Variants in ESR1 observed in about 807,000 individuals in gnomAD.
ESR1 encodes the protein estrogen receptor.
In ESR1, 12 loss-of-function variants were observed where a neutral mutation model predicts 52.7. The ratio of observed to expected loss-of-function variants is 0.23; its 90% CI spans 0.15 to 0.37. The LOEUF (loss-of-function observed/expected upper bound fraction) is 0.37. Ranked by LOEUF, ESR1 falls within the 10% of genes least tolerant of loss-of-function variation. ESR1 has a pLI of 1.00. For synonymous variants in ESR1, 305 were observed against 316.8 expected, an observed-to-expected ratio of 0.96 and a Z score of 0.39; for missense variants, 584 against 779.7, an observed-to-expected ratio of 0.75 and a Z score of 2.99.
At chr6:151,855,440 G>A (rs1787652087) in intron 2 of ESR1, among the ~76,000 whole-genome samples, 1 of 151,922 alleles carries the variant, frequency 6.6e-6, no homozygotes, top group South Asian at 2.1e-4. Context: ...ACTCTTCATA[G>A]CACATTTGTA....
chr6:151,678,594 G>A (rs1778338903), intron 1 of ESR1, among the ~76,000 whole-genome samples: 1 of 152,054 alleles, frequency 6.6e-6, no homozygotes, highest in Admixed American at 6.6e-5. Flanking sequence ...GGGAACCACT[G>A]ATAACCAACA....
At chr6:151,945,131 T>C (rs969711515) in intron 4 of ESR1, among the ~76,000 whole-genome samples, 2 of 152,084 alleles carry the variant, frequency 1.3e-5, no homozygotes, top group African/African-American at 4.8e-5. Flanking sequence ...GGTGAGAGGA[T>C]GGCTTGAGTC....
intron 5 of ESR1, among the ~76,000 whole-genome samples, chr6:152,013,221 CT>C (rs2042919137): frequency 6.6e-6 from 1 of 151,972 alleles, no homozygotes. Context: ...TTTCTCCTCT[CT>C]TTTCCTTTGC....
intron 1 of ESR1, among the ~76,000 whole-genome samples, chr6:151,672,614 G>T (rs1243537752): frequency 2.0e-5 from 3 of 152,110 alleles, no homozygotes; most frequent in Admixed American, 2.0e-4. Context: ...TGGGATAACA[G>T]GCGTGAGCCA....
chr6:151,824,092 T>G (rs1425086592), intron 1 of ESR1, among the ~76,000 whole-genome samples: 1 of 152,108 alleles, frequency 6.6e-6, no homozygotes, highest in African/African-American at 2.4e-5. Context: ...CCACCAACAG[T>G]GTAAAAGTGT....
At chr6:151,894,827 T>C (rs1795222427) in intron 3 of ESR1, among the ~76,000 whole-genome samples, 1 of 152,170 alleles carries the variant, frequency 6.6e-6, no homozygotes, top group Non-Finnish European at 1.5e-5. Context: ...ATGTGATGCC[T>C]CCAGATTTGT....
In ESR1 at chr6:151,892,010, T is replaced by C. The variant is rs150973061; in HGVS notation, c.760+11239T>C. Reference sequence around the variant, plus strand: ...GGTTTTAATTGTTTTTAGATAATTCTATTTTTGAAAGTCTGATTTTGTTTT... The same window carrying C: ...GGTTTTAATTGTTTTTAGATAATTCCATTTTTGAAAGTCTGATTTTGTTTT... On this transcript the variant is annotated intron_variant, in intron 3 of 7. Transcript: ENST00000206249. 1.6e-3 allele frequency among the ~76,000 whole-genome samples: 249 copies of C among 152,338 alleles called. 2 individuals are homozygous for C. The highest frequency in any genetic ancestry group is 5.8e-3 in the African/African-American group (240 of 41,588).
rs529223828 is a variant in ESR1, at chr6:151,740,632, AT to A, written c.-71+38635del. ...AGCTTCTTTAGTTATTTTTTGATCAATTTTTTTTACACAGTTTTTTGTAACG... is the reference window on the plus strand; with the variant it reads ...AGCTTCTTTAGTTATTTTTTGATCAATTTTTTTACACAGTTTTTTGTAACG... On this transcript the variant is annotated intron_variant, in intron 2 of 2. Transcript: ENST00000404742. Among the ~76,000 whole-genome samples the A allele has an allele frequency of 1.9e-3, 283 of 151,212 alleles. 1 individual carries two copies. Among genetic ancestry groups the A allele is most frequent in the Non-Finnish European group, 3.3e-3 (222 of 67,770 alleles).
intron 2 of ESR1, among the ~76,000 whole-genome samples, chr6:151,767,585 C>T (rs1785168095): frequency 6.6e-6 from 1 of 152,148 alleles, no homozygotes; most frequent in Non-Finnish European, 1.5e-5. Context: ...TTCAAGATGT[C>T]TGCACTGAAT....
chr6:152,089,308 C>A (rs935060581), intron 6 of ESR1, among the ~76,000 whole-genome samples: 1 of 152,124 alleles, frequency 6.6e-6, no homozygotes, highest in African/African-American at 2.4e-5. Flanking sequence ...TAATTGTTGG[C>A]TCTAATTTTA....
intron 1 of ESR1, among the ~76,000 whole-genome samples, chr6:151,699,865 T>C (rs1779636964): frequency 6.6e-6 from 1 of 152,112 alleles, no homozygotes; most frequent in African/African-American, 2.4e-5. Flanking sequence ...AGTTGAGAAT[T>C]GAGCAATTAT....
rs183744862 is a variant in ESR1 at position 152,026,828 on chromosome 6, C to T, written c.1235+15034C>T. On this transcript the variant is annotated intron_variant, in intron 5 of 7. Transcript: ENST00000206249. ...CTCCAGTCCTAGTCACTAGTAATAA[C>T]GCAGTGTTAAACTTTGTAATATTAA... 3.0e-4 allele frequency among the ~76,000 whole-genome samples: 45 copies of T among 152,192 alleles called. No homozygotes were observed. In the East Asian group the frequency reaches 5.6e-3, roughly 19 times the overall value.
At chr6:151,904,718 G>A (rs1797180401) in intron 3 of ESR1, among the ~76,000 whole-genome samples, 1 of 152,094 alleles carries the variant, frequency 6.6e-6, no homozygotes, top group Non-Finnish European at 1.5e-5. Flanking sequence ...GGATTAACTT[G>A]TTATGTTTAC....
chr6:151,933,714 A>G (rs972133858), intron 3 of ESR1, among the ~76,000 whole-genome samples: 1 of 152,144 alleles, frequency 6.6e-6, no homozygotes, highest in African/African-American at 2.4e-5. Context: ...TGAGATAATC[A>G]TGTGGTTTTT....
intron 1 of ESR1, among the ~76,000 whole-genome samples, chr6:151,671,395 C>A (rs1003789290): frequency 6.6e-6 from 1 of 152,140 alleles, no homozygotes; most frequent in African/African-American, 2.4e-5. Flanking sequence ...GTAGATGAAC[C>A]TGGAGGACAT....
chr6:151,699,671 C>T (rs576152071), intron 1 of ESR1, among the ~76,000 whole-genome samples: 1 of 152,100 alleles, frequency 6.6e-6, no homozygotes, highest in Non-Finnish European at 1.5e-5. Context: ...GAAGAAATGT[C>T]AGAATACATA....
chr6:152,124,459 T>C (rs191020787), intron 6 of ESR1, among the ~76,000 whole-genome samples: 4 of 152,326 alleles, frequency 2.6e-5, no homozygotes, highest in African/African-American at 9.6e-5. Context: ...GGCAGGGTAA[T>C]GTAACCTTGA....
chr6:151,976,138 G>T (rs1412653066), intron 4 of ESR1, among the ~76,000 whole-genome samples: 3 of 151,990 alleles, frequency 2.0e-5, no homozygotes, highest in Admixed American at 1.3e-4. Flanking sequence ...TTTTGTTTAA[G>T]ATTTTGTTGT....
intron 2 of ESR1, among the ~76,000 whole-genome samples, chr6:151,725,400 A>T (rs1469656052): frequency 6.6e-6 from 1 of 152,174 alleles, no homozygotes; most frequent in Non-Finnish European, 1.5e-5. Context: ...TATTTTTTAA[A>T]GTCTTAAATC....
Sources: allele counts gnomAD v4.1 joint callset (sites outside exome capture counted in the v4.1 genomes callset), GRCh38; gene constraint gnomAD v4.1.1; transcripts MANE v1.5; gene names NCBI Gene and HGNC (gene_info 2026-07-23, HGNC 2026-07-21).